Variants in ADGRD1 observed in about 807,000 individuals in gnomAD.
ADGRD1 encodes the protein adhesion G protein-coupled receptor D1, also known as G-protein coupled receptor 133.
In ADGRD1, 77 loss-of-function variants were observed where a neutral mutation model predicts 113.4. The ratio of observed to expected loss-of-function variants is 0.68; its 90% CI spans 0.57 to 0.82. ADGRD1 has a LOEUF of 0.82. Among genes scored for constraint, ADGRD1 ranks in the 40% least tolerant of loss-of-function variants. The pLI, the probability that ADGRD1 is intolerant of heterozygous loss-of-function variation, is 0.00. For synonymous variants in ADGRD1, 474 were observed against 475.0 expected (o/e 1.00, Z 0.03); for missense variants, 1,036 against 1,139.1 (o/e 0.91, Z 1.30).
At chr12:131,139,043 G>A (rs1324096849) in intron 24 of ADGRD1, 125 bp from the exon 25 acceptor site, 11 of 687,472 alleles carry the variant, frequency 1.6e-5, no homozygotes, top group Non-Finnish European at 2.3e-5. Context: ...CCTTCTCTCT[G>A]CACCTTTCCT....
chr12:131,139,392 C>T lies in ADGRD1; in HGVS notation c.*129C>T. 1 of 664,928 alleles carries T rather than the reference C, an allele frequency of 1.5e-6. No individual in the cohort carries two copies. Among genetic ancestry groups the T allele is most frequent in the Non-Finnish European group, 2.7e-6 (1 of 376,380 alleles). 41.2% of individuals were successfully genotyped at this position (664,928 alleles called of 1,614,324 possible). A position where few individuals can be genotyped will look rare whatever the true frequency, so the allele number is the denominator to read the frequency against. On this transcript the variant is annotated 3_prime_UTR_variant, in exon 25 of 25. Transcript: ENST00000261654. ...GGACATGGGTGTTGTGGCCCCGAGA[C>T]AGCTGTCCTCCCCTGTGACTCTGGC...
chr12:130,969,430 C>T (rs1871363394), intron 3 of ADGRD1: 3 of 211,642 alleles, frequency 1.4e-5, no homozygotes, highest in Non-Finnish European at 2.8e-5. Context: ...CGAGCTCCAC[C>T]TCCTGTCAGA....
chr12:131,040,500 TACTC>T (rs761467801), intron 13 of ADGRD1, among the ~76,000 whole-genome samples: 2 of 152,250 alleles, frequency 1.3e-5, no homozygotes, highest in Non-Finnish European at 1.5e-5. Flanking sequence ...TTAAACAAAA[TACTC>T]ACACGCTTCT....
At chr12:131,124,522 T>C (rs1204216418) in intron 20 of ADGRD1, among the ~76,000 whole-genome samples, 2 of 152,148 alleles carry the variant, frequency 1.3e-5, no homozygotes, top group African/African-American at 4.8e-5. Context: ...CCTGGCAAGG[T>C]TCATCCTGAA....
intron 13 of ADGRD1, among the ~76,000 whole-genome samples, chr12:131,040,441 A>C (rs1187982695): frequency 6.6e-6 from 1 of 152,230 alleles, no homozygotes; most frequent in Non-Finnish European, 1.5e-5. Flanking sequence ...ATCTCCATAA[A>C]ATCATGTGTT....
At chr12:131,073,900 A>G (rs148602198) in intron 13 of ADGRD1, among the ~76,000 whole-genome samples, 179 of 152,340 alleles carry the variant, frequency 1.2e-3, no homozygotes, top group Middle Eastern at 0.01. Context: ...CTGAGGGCTC[A>G]GCCCTCATGA....
chr12:131,016,026 C>T (rs78248176), intron 13 of ADGRD1, among the ~76,000 whole-genome samples: 4,198 of 152,322 alleles, frequency 0.028, 149 homozygotes, highest in African/African-American at 0.079. Flanking sequence ...GCCCAGCAGA[C>T]AGCTGCTGTC....
chr12:131,077,910 T>C (rs1885766481), intron 14 of ADGRD1, among the ~76,000 whole-genome samples: 1 of 152,154 alleles, frequency 6.6e-6, no homozygotes, highest in African/African-American at 2.4e-5. Flanking sequence ...TGCCTGGCTA[T>C]GGCTAGATTA....
At chr12:130,985,832 G>A (rs1264698594) in intron 5 of ADGRD1, among the ~76,000 whole-genome samples, 5 of 152,318 alleles carry the variant, frequency 3.3e-5, no homozygotes, top group South Asian at 2.1e-4. Flanking sequence ...GGTTACAGGC[G>A]TGAGCCACTG....
At chr12:130,964,414 G>C (rs750455525) in intron 2 of ADGRD1, among the ~76,000 whole-genome samples, 1 of 152,138 alleles carries the variant, frequency 6.6e-6, no homozygotes, top group Non-Finnish European at 1.5e-5. Flanking sequence ...GGCCAGGCGC[G>C]TTGGCTCACG....
chr12:131,015,558 A>T (rs935114238), intron 13 of ADGRD1, among the ~76,000 whole-genome samples: 4 of 149,556 alleles, frequency 2.7e-5, no homozygotes, highest in Non-Finnish European at 4.4e-5. Context: ...GGAGTTGGAG[A>T]TGGAGATGGA....
chr12:130,961,964 A>G (rs1195748), intron 2 of ADGRD1, among the ~76,000 whole-genome samples: 143,491 of 152,222 alleles, frequency 0.94, 68,208 homozygotes, highest in East Asian at 1. Flanking sequence ...ACAGTTTTCC[A>G]CGTCGCCTCC....
At chr12:130,997,985 C>T (rs1450468707) in intron 8 of ADGRD1, among the ~76,000 whole-genome samples, 3 of 152,110 alleles carry the variant, frequency 2.0e-5, no homozygotes, top group Non-Finnish European at 4.4e-5. Context: ...GCGGATCACT[C>T]GCGGTTAGGA....
At position 131,022,707 on chromosome 12, in the gene ADGRD1, A is replaced by G. The variant is rs1203064978; in HGVS notation, c.1473+8367A>G. 2 of 151,996 alleles carry G rather than the reference A, an allele frequency of 1.3e-5. No homozygotes were observed. Among genetic ancestry groups the G allele is most frequent in the Non-Finnish European group, 2.9e-5 (2 of 68,004 alleles). 9.4% of individuals were successfully genotyped at this position (151,996 alleles called of 1,614,324 possible). ...CAGGCATTAAAGATATGCTGGGCTC[A>G]TGGAATCGGCTCTTTCCCTAAGGAG... On this transcript the variant is annotated intron_variant, in intron 13 of 24. Transcript: ENST00000261654. The surrounding 1 kb of genome is among the most constrained non-coding windows in gnomAD (Gnocchi z 4.6).
chr12:131,121,321 T>G (rs997806450), intron 20 of ADGRD1, among the ~76,000 whole-genome samples: 2 of 152,220 alleles, frequency 1.3e-5, no homozygotes, highest in Non-Finnish European at 2.9e-5. Flanking sequence ...GAACCACACA[T>G]AACAGTTACA....
chr12:131,081,343 A>G (rs763196567), intron 14 of ADGRD1, among the ~76,000 whole-genome samples: 32 of 152,070 alleles, frequency 2.1e-4, no homozygotes, highest in South Asian at 4.1e-4. Context: ...TAACTTTTCT[A>G]TCTTTTTAAA....
intron 4 of ADGRD1, among the ~76,000 whole-genome samples, chr12:130,976,454 G>A (rs1289706085): frequency 6.6e-6 from 1 of 152,146 alleles, no homozygotes; most frequent in Non-Finnish European, 1.5e-5. Flanking sequence ...CAACCAGGAC[G>A]TGCTGATTCT....
At chr12:131,013,806 T>A (rs1878222964) in intron 12 of ADGRD1, among the ~76,000 whole-genome samples, 1 of 152,184 alleles carries the variant, frequency 6.6e-6, no homozygotes, top group Admixed American at 6.5e-5. Context: ...ACACAGCTGA[T>A]TAAGTGGAAT....
At chr12:131,005,865 C>A (rs1877038112) in intron 11 of ADGRD1, 107 bp from the exon 12 acceptor site, 1 of 858,004 alleles carries the variant, frequency 1.2e-6, no homozygotes, top group Non-Finnish European at 1.9e-6. Flanking sequence ...CCAGAGGGTT[C>A]TTAGGAGTGA....
Sources: gnomAD v4.1 joint callset for allele counts (sites outside exome capture counted in the v4.1 genomes callset) on GRCh38, gnomAD v4.1.1 for gene constraint, Gnocchi (gnomAD v3.1) non-coding constraint, MANE v1.5 for transcripts, NCBI Gene and HGNC (gene_info 2026-07-23, HGNC 2026-07-21) for gene names.